Variants in SUDS3 observed in about 807,000 individuals in gnomAD.
SUDS3 encodes the protein SIN3A corepressor complex component SDS3.
SUDS3 carries 23 observed loss-of-function variants against 53.5 expected under a neutral mutation model. That is an observed-to-expected ratio of 0.43 (90% CI 0.31 to 0.61). The LOEUF is 0.61. Among genes scored for constraint, SUDS3 ranks in the 20% least tolerant of loss-of-function variants. The pLI is 0.10. For missense variants in SUDS3, 291 were observed against 405.9 expected (o/e 0.72, Z 2.43); for synonymous variants, 150 against 148.5 (o/e 1.01, Z -0.08).
At chr12:118,408,398 A>G (rs533853752) in intron 10 of SUDS3, among the ~76,000 whole-genome samples, 1 of 149,492 alleles carries the variant, frequency 6.7e-6, no homozygotes, top group African/African-American at 2.5e-5. Flanking sequence ...CAGTGGCATG[A>G]TCTCAGCCCA....
intron 2 of SUDS3, among the ~76,000 whole-genome samples, chr12:118,383,007 A>T (rs2046081578): frequency 6.6e-6 from 1 of 152,100 alleles, no homozygotes; most frequent in Non-Finnish European, 1.5e-5. Context: ...TTTCGGTTAA[A>T]ATGGAATGCC....
At chr12:118,407,290 A>G (rs1040686706) in intron 10 of SUDS3, among the ~76,000 whole-genome samples, 1 of 152,192 alleles carries the variant, frequency 6.6e-6, no homozygotes, top group African/African-American at 2.4e-5. Context: ...CGTGTAGTGC[A>G]TGAGGATCCC....
chr12:118,392,777 T>C (rs1186603712), intron 6 of SUDS3, among the ~76,000 whole-genome samples: 1 of 152,178 alleles, frequency 6.6e-6, no homozygotes, highest in African/African-American at 2.4e-5. Flanking sequence ...GTGGGAAATA[T>C]TATCCGTTTA....
At chr12:118,390,811 A>C (rs970237915) in intron 5 of SUDS3, among the ~76,000 whole-genome samples, 1 of 152,150 alleles carries the variant, frequency 6.6e-6, no homozygotes. Context: ...TCTAGAATCT[A>C]TTTTCCTTTG....
chr12:118,389,672 T>G (rs537899571), intron 4 of SUDS3, among the ~76,000 whole-genome samples: 1 of 152,158 alleles, frequency 6.6e-6, no homozygotes, highest in Middle Eastern at 3.2e-3. Flanking sequence ...CCTGCCACCA[T>G]GCCTGGCTAA....
At chr12:118,401,922 C>T in intron 8 of SUDS3, 61 bp from the exon 9 acceptor site, 1 of 1,604,792 alleles carries the variant, frequency 6.2e-7, no homozygotes, top group Non-Finnish European at 8.5e-7. Flanking sequence ...ATACCTTTGA[C>T]ACCTGAAGTT....
At chr12:118,399,327 C>A (rs915395619) in intron 6 of SUDS3, among the ~76,000 whole-genome samples, 2 of 151,996 alleles carry the variant, frequency 1.3e-5, no homozygotes, top group Non-Finnish European at 2.9e-5. Context: ...TATGGTGAAA[C>A]CCTGATTCTA....
chr12:118,407,764 G>A (rs2141389833), intron 10 of SUDS3, among the ~76,000 whole-genome samples: 1 of 151,296 alleles, frequency 6.6e-6, no homozygotes. Flanking sequence ...TGTCGCCCAG[G>A]CTGGAGTGCA....
chr12:118,398,938 A>G (rs1373273221), intron 6 of SUDS3, among the ~76,000 whole-genome samples: 1 of 152,172 alleles, frequency 6.6e-6, no homozygotes, highest in African/African-American at 2.4e-5. Context: ...GGAGGATGGA[A>G]TGAGTTTCTG....
At chr12:118,390,682 G>A (rs74424823) in intron 5 of SUDS3, among the ~76,000 whole-genome samples, 4,942 of 152,248 alleles carry the variant, frequency 0.032, 259 homozygotes, top group African/African-American at 0.11. Context: ...TACAATTTTT[G>A]TCTTAGTATA....
At chr12:118,389,612 A>G (rs2046147121) in intron 4 of SUDS3, among the ~76,000 whole-genome samples, 1 of 151,900 alleles carries the variant, frequency 6.6e-6, no homozygotes, top group African/African-American at 2.4e-5. Context: ...CTCAGGTTCA[A>G]GTGAGTCTCC....
At chr12:118,380,725 G>A (rs569066286) in intron 2 of SUDS3, among the ~76,000 whole-genome samples, 1 of 152,036 alleles carries the variant, frequency 6.6e-6, no homozygotes, top group Admixed American at 6.5e-5. Flanking sequence ...TTTTTTCCTT[G>A]AGACAGAGCC....
intron 10 of SUDS3, among the ~76,000 whole-genome samples, chr12:118,403,874 C>T (rs182516942): frequency 2.6e-5 from 4 of 152,176 alleles, no homozygotes; most frequent in African/African-American, 9.6e-5. Context: ...AATAGGTGCT[C>T]TTCGGATTAA....
chr12:118,406,480 G>A (rs2046309373), intron 10 of SUDS3, among the ~76,000 whole-genome samples: 1 of 152,142 alleles, frequency 6.6e-6, no homozygotes, highest in Non-Finnish European at 1.5e-5. Flanking sequence ...ACCTTCTTAA[G>A]AAATTGCTTT....
chr12:118,382,547 A>C (rs1160655501), intron 2 of SUDS3, among the ~76,000 whole-genome samples: 1 of 151,796 alleles, frequency 6.6e-6, no homozygotes, highest in African/African-American at 2.4e-5. Context: ...TAAAATTTTT[A>C]GTAGAAACTA....
At chr12:118,398,527 G>T (rs61943401) in intron 6 of SUDS3, among the ~76,000 whole-genome samples, 17,435 of 150,802 alleles carry the variant, frequency 0.12, 1,267 homozygotes, top group Middle Eastern at 0.19. Context: ...ATTCATTAGG[G>T]CTTTGGTTCT....
Position 118,411,167 on chromosome 12 carries a change from A to T in SUDS3, c.888+10A>T, listed in dbSNP as rs200746921. On this transcript the variant is annotated intron_variant, in intron 11 of 11. Transcript: ENST00000543473. ...TGTAGGAGCCAATGAGGTGGGAACCACACTCCCTCACCTTTAGGGAAGCAA... is the reference window on the plus strand; with the variant it reads ...TGTAGGAGCCAATGAGGTGGGAACCTCACTCCCTCACCTTTAGGGAAGCAA... 1.9e-6 allele frequency: 3 copies of T among 1,581,196 alleles called. No homozygotes were observed. The African/African-American group carries it at 4.0e-5, about 21-fold the overall frequency.
rs767637189 is a variant in SUDS3 at position 118,410,555 on chromosome 12, C to CTTTATTTATTTATTTA, written c.804-506_804-491dup. Among the ~76,000 whole-genome samples the CTTTATTTATTTATTTA allele has an allele frequency of 2.6e-4, 38 of 148,976 alleles. No homozygotes were observed. In the East Asian group the frequency reaches 5.4e-3, roughly 21 times the overall value. On this transcript the variant is annotated intron_variant, in intron 10 of 11. Transcript: ENST00000543473. The stretch of plus-strand genomic sequence containing the variant: ...GGTCTTCTAACCTAAGGATGGAAGC[C>CTTTATTTATTTATTTA]TTTATTTATTTATTTATTTATTTAT...
chr12:118,410,572 TTTATTTATTTTATTTATTTA>T (rs1485480901), intron 10 of SUDS3, among the ~76,000 whole-genome samples: 2 of 131,776 alleles, frequency 1.5e-5, no homozygotes, highest in African/African-American at 3.3e-5. Context: ...TATTTATTTA[TTTATTTATTTTATTTATTTA>T]TTTATTTATT....
Sources: gnomAD v4.1 joint callset for allele counts (sites outside exome capture counted in the v4.1 genomes callset) on GRCh38, gnomAD v4.1.1 for gene constraint, MANE v1.5 for transcripts, NCBI Gene and HGNC (gene_info 2026-07-23, HGNC 2026-07-21) for gene names.